The following EML4 variants were observed in gnomAD, a reference collection of about 807,000 sequenced individuals.
EML4 encodes the protein EMAP like 4.
In EML4, 72 loss-of-function variants were observed where a neutral mutation model predicts 129.0. The ratio of observed to expected loss-of-function variants is 0.56; its 90% CI spans 0.46 to 0.68. EML4 has a LOEUF of 0.68. EML4 is among the 30% of genes least tolerant of loss of function. The pLI is 0.00. For missense variants in EML4, 1,363 were observed against 1,190.6 expected (o/e 1.14, Z -2.13); for synonymous variants, 532 against 405.0 (o/e 1.31, Z -3.77).
At position 42,288,078 on chromosome 2, in the gene EML4, A is replaced by G. The variant is rs947509757; in HGVS notation, c.1123-149A>G. On this transcript the variant is annotated intron_variant, in intron 10 of 22. Coordinates refer to ENST00000318522, the MANE Select transcript of EML4 (RefSeq NM_019063.5). ...TTTGAGGAAAATACAATTGTAGTAAATAGTGTATTCATTATGTTTCAGAGA... is the reference window on the plus strand; with the variant it reads ...TTTGAGGAAAATACAATTGTAGTAAGTAGTGTATTCATTATGTTTCAGAGA... The G allele has an allele frequency of 1.9e-5, 8 of 411,672 alleles. No homozygotes were observed. In the South Asian group the frequency reaches 4.3e-4, roughly 22 times the overall value. The allele number at this position is 411,672 out of a possible 1,614,324, so 25.5% of individuals were successfully genotyped here. A position where few individuals can be genotyped will look rare whatever the true frequency, so the allele number is the denominator to read the frequency against.
chr2:42,274,613 G>A (rs545826597), intron 6 of EML4, among the ~76,000 whole-genome samples: 1 of 151,996 alleles, frequency 6.6e-6, no homozygotes, highest in East Asian at 1.9e-4. Flanking sequence ...TTTTTATAAG[G>A]ATCTTAAATT....
chr2:42,204,118 C>G (rs1389007652), intron 1 of EML4, among the ~76,000 whole-genome samples: 2 of 152,122 alleles, frequency 1.3e-5, no homozygotes, highest in African/African-American at 4.8e-5. Context: ...ATGGGTCTCA[C>G]TTTGTTGCCC....
At chr2:42,197,872 T>C (rs1250732922) in intron 1 of EML4, among the ~76,000 whole-genome samples, 2 of 152,210 alleles carry the variant, frequency 1.3e-5, no homozygotes, top group East Asian at 1.9e-4. Flanking sequence ...ATTTATAAAA[T>C]AGAATTAGAA....
At position 42,290,386 on chromosome 2, in the gene EML4, C is replaced by T. The variant is rs186934014; in HGVS notation, c.1218+2064C>T. Among the ~76,000 whole-genome samples, 578 of 151,976 alleles carry T rather than the reference C, an allele frequency of 3.8e-3. 9 individuals carry two copies. The highest frequency in any genetic ancestry group is 0.013 in the African/African-American group (519 of 41,448). Reference sequence around the variant, plus strand: ...TAAGGCGAGGGCAGCCCAGATGACCCGAGCTTGTGGGACCTCTCATGAAAA... The same window carrying T: ...TAAGGCGAGGGCAGCCCAGATGACCTGAGCTTGTGGGACCTCTCATGAAAA... On this transcript the variant is annotated intron_variant, in intron 11 of 22. Coordinates refer to ENST00000318522, the MANE Select transcript of EML4 (RefSeq NM_019063.5).
intron 13 of EML4, among the ~76,000 whole-genome samples, chr2:42,298,959 C>T (rs183851626): frequency 3.2e-4 from 49 of 152,250 alleles, no homozygotes; most frequent in African/African-American, 1.2e-3. Context: ...CAAATAAAGC[C>T]AGTAGTACTC....
At chr2:42,217,687 C>A (rs547970362) in intron 1 of EML4, among the ~76,000 whole-genome samples, 2 of 152,172 alleles carry the variant, frequency 1.3e-5, no homozygotes, top group African/African-American at 4.8e-5. Context: ...TCCACATATT[C>A]GTTGTCTTAA....
intron 1 of EML4, among the ~76,000 whole-genome samples, chr2:42,207,665 T>C (rs1672641480): frequency 6.6e-6 from 1 of 152,232 alleles, no homozygotes; most frequent in African/African-American, 2.4e-5. Context: ...TTTATACTTA[T>C]GGTTTTAGTT....
intron 11 of EML4, among the ~76,000 whole-genome samples, chr2:42,294,478 T>C (rs565332470): frequency 6.6e-6 from 1 of 152,310 alleles, no homozygotes; most frequent in South Asian, 2.1e-4. Flanking sequence ...GGCGGATGAC[T>C]TGAGGTCAGG....
intron 14 of EML4, among the ~76,000 whole-genome samples, chr2:42,302,114 T>A (rs1163823947): frequency 6.6e-6 from 1 of 152,142 alleles, no homozygotes; most frequent in Non-Finnish European, 1.5e-5. Flanking sequence ...GTTCCATGTA[T>A]TGCATTAAAT....
chr2:42,304,975 C>T (rs549370717), intron 17 of EML4, among the ~76,000 whole-genome samples: 1 of 152,150 alleles, frequency 6.6e-6, no homozygotes, highest in Non-Finnish European at 1.5e-5. Context: ...AAAAATTAGC[C>T]AGGCGCAGTG....
At chr2:42,179,263 G>GTT (rs11396677) in intron 1 of EML4, among the ~76,000 whole-genome samples, 10,011 of 142,760 alleles carry the variant, frequency 0.07, 445 homozygotes, top group Non-Finnish European at 0.1. Context: ...GGGGAGCTGG[G>GTT]TTTTTTTTTT....
chr2:42,321,247 G>T (rs541909907), intron 19 of EML4, among the ~76,000 whole-genome samples: 2 of 152,154 alleles, frequency 1.3e-5, no homozygotes, highest in East Asian at 3.9e-4. Flanking sequence ...GCCGGGCGTG[G>T]TGGCGGGTGC....
chr2:42,222,680 CA>C (rs1439772375), intron 1 of EML4, among the ~76,000 whole-genome samples: 2 of 152,114 alleles, frequency 1.3e-5, no homozygotes, highest in Non-Finnish European at 2.9e-5. Flanking sequence ...ACTGTGTAAA[CA>C]GTGAATATGC....
intron 11 of EML4, chr2:42,289,646 G>T (rs1291746877): frequency 6.6e-6 from 1 of 152,226 alleles, no homozygotes; most frequent in East Asian, 1.9e-4. Flanking sequence ...CTAGAAACTT[G>T]GACATCATTC....
chr2:42,205,162 T>G (rs1464349525), intron 1 of EML4, among the ~76,000 whole-genome samples: 1 of 152,236 alleles, frequency 6.6e-6, no homozygotes, highest in African/African-American at 2.4e-5. Flanking sequence ...TCATGCAGTC[T>G]TTACAAAGTT....
chr2:42,190,995 C>G (rs190191894), intron 1 of EML4, among the ~76,000 whole-genome samples: 7 of 152,242 alleles, frequency 4.6e-5, no homozygotes, highest in Admixed American at 4.6e-4. Context: ...GTTTGCAGGC[C>G]CCTGGTCTTG....
At chr2:42,299,914 G>A (rs1228934563) in intron 13 of EML4, among the ~76,000 whole-genome samples, 1 of 152,160 alleles carries the variant, frequency 6.6e-6, no homozygotes, top group African/African-American at 2.4e-5. Context: ...TCAAACATCT[G>A]ACCTCAGGTG....
intron 1 of EML4, among the ~76,000 whole-genome samples, chr2:42,181,396 T>C (rs1431384131): frequency 6.6e-6 from 1 of 152,180 alleles, no homozygotes; most frequent in Non-Finnish European, 1.5e-5. Context: ...CCTCCCGGAC[T>C]CAAGCGATTC....
intron 6 of EML4, 136 bp from the exon 7 acceptor site, chr2:42,280,714 A>G: frequency 1.5e-6 from 1 of 647,270 alleles, no homozygotes; most frequent in Non-Finnish European, 2.5e-6. Context: ...TATAACAAAA[A>G]CAATTGTATA....
Sources: gnomAD v4.1 joint callset for allele counts (sites outside exome capture counted in the v4.1 genomes callset) on GRCh38, gnomAD v4.1.1 for gene constraint, MANE v1.5 for transcripts, NCBI Gene and HGNC (gene_info 2026-07-23, HGNC 2026-07-21) for gene names.